Variants in CUL2 observed in about 807,000 individuals in gnomAD.
CUL2 encodes the protein cullin-2.
Under a neutral mutation model 110.2 loss-of-function variants are expected in CUL2, and 22 were observed. That is an observed-to-expected ratio of 0.20 (90% confidence interval 0.14 to 0.28). The LOEUF (loss-of-function observed/expected upper bound fraction) is 0.28. Among genes scored for constraint, CUL2 ranks in the 10% least tolerant of loss-of-function variants. CUL2 has a pLI of 1.00. For synonymous variants in CUL2, 279 were observed against 293.2 expected (o/e 0.95, Z 0.49); for missense variants, 631 against 905.5 (o/e 0.70, Z 3.89).
intron 6 of CUL2, among the ~76,000 whole-genome samples, chr10:35,045,090 TAAA>T (rs1409056714): frequency 6.6e-6 from 1 of 152,078 alleles, no homozygotes; most frequent in African/African-American, 2.4e-5. Context: ...TTTCAAGAAA[TAAA>T]AAGAAAACTG....
chr10:35,089,214 C>T (rs2087138577), intron 1 of CUL2, among the ~76,000 whole-genome samples: 1 of 152,144 alleles, frequency 6.6e-6, no homozygotes, highest in Non-Finnish European at 1.5e-5. Flanking sequence ...TCTCACGCGA[C>T]TCTTTTGGAA....
At chr10:35,124,313 G>A (rs1258165042) in intron 1 of CUL2, among the ~76,000 whole-genome samples, 2 of 152,124 alleles carry the variant, frequency 1.3e-5, no homozygotes, top group Non-Finnish European at 2.9e-5. Flanking sequence ...CAAGTGCAAT[G>A]GCTCATGCCT....
At chr10:35,030,494 C>T (rs1323901306) in intron 14 of CUL2, among the ~76,000 whole-genome samples, 1 of 152,078 alleles carries the variant, frequency 6.6e-6, no homozygotes, top group African/African-American at 2.4e-5. Flanking sequence ...GCAATCCTCC[C>T]ACCTCAGCCA....
At chr10:35,028,416 G>A (rs2085386855) in intron 16 of CUL2, among the ~76,000 whole-genome samples, 1 of 152,084 alleles carries the variant, frequency 6.6e-6, no homozygotes, top group Non-Finnish European at 1.5e-5. Flanking sequence ...TACATTACAG[G>A]ACAGAAATAA....
intron 8 of CUL2, among the ~76,000 whole-genome samples, chr10:35,043,850 C>G (rs540408377): frequency 6.6e-6 from 1 of 152,060 alleles, no homozygotes; most frequent in South Asian, 2.1e-4. Flanking sequence ...GAGGACTGCT[C>G]AAGTTGAGGA....
chr10:35,107,922 G>C (rs1427144872), intron 1 of CUL2, among the ~76,000 whole-genome samples: 1 of 146,252 alleles, frequency 6.8e-6, no homozygotes, highest in Non-Finnish European at 1.5e-5. Flanking sequence ...TAGAAGACCT[G>C]GTTCCTACTC....
chr10:35,113,658 T>C (rs376871076), intron 1 of CUL2, among the ~76,000 whole-genome samples: 12 of 151,064 alleles, frequency 7.9e-5, no homozygotes, highest in Non-Finnish European at 1.5e-4. Context: ...AATCAATCAA[T>C]AGGAACAAAC....
At chr10:35,123,044 G>A (rs1432048710) in intron 1 of CUL2, among the ~76,000 whole-genome samples, 1 of 152,172 alleles carries the variant, frequency 6.6e-6, no homozygotes, top group Non-Finnish European at 1.5e-5. Flanking sequence ...AGGCTGAGGT[G>A]GGAGGATTGC....
At chr10:35,090,353 G>A (rs541090905), upstream of CUL2, 6 of 152,324 alleles carry the variant, frequency 3.9e-5, no homozygotes, top group East Asian at 9.7e-4. Context: ...CCGCCTCCCC[G>A]GCCGGCCGCC....
At chr10:35,013,618 A>C in intron 19 of CUL2, 81 bp downstream of exon 19, 2 of 907,280 alleles carry the variant, frequency 2.2e-6, no homozygotes, top group Non-Finnish European at 3.3e-6. Flanking sequence ...AAAGTTTTGC[A>C]CAATCTCAAT....
At chr10:35,029,246 C>T (rs1229988174) in intron 15 of CUL2, among the ~76,000 whole-genome samples, 9 of 152,000 alleles carry the variant, frequency 5.9e-5, no homozygotes, top group African/African-American at 1.2e-4. Flanking sequence ...TTAGTAGAGA[C>T]GGGTTTTCAC....
At chr10:35,078,230 C>T (rs528036214) in intron 1 of CUL2, among the ~76,000 whole-genome samples, 2 of 152,010 alleles carry the variant, frequency 1.3e-5, no homozygotes, top group South Asian at 2.1e-4. Context: ...AAATGTCCAC[C>T]CCTAAAAAAC....
Position 35,075,366 on chromosome 10 carries a change from C to T in CUL2, c.-22-4027G>A, listed in dbSNP as rs1266281913. Among the ~76,000 whole-genome samples, 5 of 152,224 alleles carry T rather than the reference C, an allele frequency of 3.3e-5. 1 individual carries two copies. The South Asian group carries it at 8.3e-4, about 25-fold the overall frequency. On this transcript the variant is annotated intron_variant, in intron 1 of 20. Coordinates refer to ENST00000374749, the MANE Select transcript of CUL2 (RefSeq NM_003591.4). ...AGTTTACACAAGGATGTGAAAGAGACAGGGCAAAGAAGAAAAAGGACCACA... is the reference window on the plus strand; with the variant it reads ...AGTTTACACAAGGATGTGAAAGAGATAGGGCAAAGAAGAAAAAGGACCACA...
chr10:35,046,522 C>G (rs191433676), intron 6 of CUL2, among the ~76,000 whole-genome samples: 1 of 152,284 alleles, frequency 6.6e-6, no homozygotes, highest in East Asian at 1.9e-4. Flanking sequence ...TAGTTTAAGT[C>G]TGAGTTCATC....
intron 1 of CUL2, among the ~76,000 whole-genome samples, chr10:35,117,054 G>T (rs954882223): frequency 6.6e-6 from 1 of 151,786 alleles, no homozygotes; most frequent in Non-Finnish European, 1.5e-5. Flanking sequence ...TGAAAAAAAA[G>T]GTAAACTTCC....
At chr10:35,049,634 T>G in intron 6 of CUL2, 49 bp downstream of exon 6, 1 of 1,494,264 alleles carries the variant, frequency 6.7e-7, no homozygotes, top group Non-Finnish European at 9.3e-7. Flanking sequence ...TAAAACCATA[T>G]CAAACAACAA....
intron 1 of CUL2, among the ~76,000 whole-genome samples, chr10:35,120,695 GA>G (rs1301590349): frequency 6.6e-6 from 1 of 151,180 alleles, no homozygotes; most frequent in African/African-American, 2.4e-5. Context: ...TCAGGAGTTC[GA>G]GACCAGCCTG....
At chr10:35,040,220 GTCAA>G (rs750365429) in intron 8 of CUL2, among the ~76,000 whole-genome samples, 2 of 152,146 alleles carry the variant, frequency 1.3e-5, no homozygotes, top group Non-Finnish European at 2.9e-5. Flanking sequence ...AGTCAAGTAT[GTCAA>G]TCAAGACTTT....
intron 8 of CUL2, among the ~76,000 whole-genome samples, chr10:35,043,835 G>A (rs1232974194): frequency 6.6e-6 from 1 of 152,042 alleles, no homozygotes; most frequent in East Asian, 1.9e-4. Context: ...GGGAGGCTGA[G>A]GCAGGAGGAC....
Sources: allele counts gnomAD v4.1 joint callset (sites outside exome capture counted in the v4.1 genomes callset), GRCh38; gene constraint gnomAD v4.1.1; transcripts MANE v1.5; gene names NCBI Gene and HGNC (gene_info 2026-07-23, HGNC 2026-07-21).